The following UBE2D3 variants were observed in gnomAD, a reference collection of about 807,000 sequenced individuals.
The protein encoded by UBE2D3 is ubiquitin-conjugating enzyme E2 D3.
Under a neutral mutation model 22.8 loss-of-function variants are expected in UBE2D3, and 2 were observed. The ratio of observed to expected loss-of-function variants is 0.09; its 90% CI spans 0.04 to 0.28. UBE2D3 has a LOEUF of 0.28. UBE2D3 is among the 10% of genes least tolerant of loss of function. The probability of loss-of-function intolerance (pLI) is 1.00; values close to 1 mark genes in which losing one functional copy is unlikely to be tolerated. For missense variants in UBE2D3, 27 were observed against 182.5 expected (o/e 0.15, Z 4.91); for synonymous variants, 56 against 60.4 (o/e 0.93, Z 0.34).
intron 1 of UBE2D3, among the ~76,000 whole-genome samples, chr4:102,868,427 G>C (rs1378145706): frequency 6.6e-6 from 1 of 152,178 alleles, no homozygotes; most frequent in Admixed American, 6.5e-5. Flanking sequence ...TCTAAGGAAG[G>C]ACTACTACGA....
intron 1 of UBE2D3, among the ~76,000 whole-genome samples, chr4:102,835,673 C>T (rs1174379502): frequency 6.6e-6 from 1 of 152,168 alleles, no homozygotes; most frequent in Non-Finnish European, 1.5e-5. Flanking sequence ...CTCATCTCTA[C>T]CAGTTAGACC....
At chr4:102,826,835 T>G in intron 1 of UBE2D3, 199 bp from the exon 2 acceptor site, 1 of 1,157,202 alleles carries the variant, frequency 8.6e-7, no homozygotes, top group Non-Finnish European at 1.1e-6. Flanking sequence ...CAAGTTTAAC[T>G]TCCCGGCCTC....
chr4:102,798,623 T>C (rs2110243347), intron 7 of UBE2D3, among the ~76,000 whole-genome samples: 1 of 151,600 alleles, frequency 6.6e-6, no homozygotes, highest in East Asian at 1.9e-4. Context: ...CTGTATAGGA[T>C]TGGTACAAAG....
chr4:102,809,566 G>T, intron 4 of UBE2D3, 106 bp downstream of exon 4: 1 of 1,180,398 alleles, frequency 8.5e-7, no homozygotes, highest in Non-Finnish European at 1.2e-6. Context: ...ATCCAAAATA[G>T]AATTAACTAT....
chr4:102,801,031 A>C (rs1726078317), intron 6 of UBE2D3, among the ~76,000 whole-genome samples: 2 of 152,052 alleles, frequency 1.3e-5, no homozygotes. Flanking sequence ...TTTGTCTAAA[A>C]ATTAACCCAG....
chr4:102,827,798 G>A (rs987893351), upstream of UBE2D3: 2 of 985,946 alleles, frequency 2.0e-6, no homozygotes, highest in African/African-American at 3.5e-5. Context: ...ATCATGAGCT[G>A]GGGGGAGGGT....
intron 1 of UBE2D3, among the ~76,000 whole-genome samples, chr4:102,861,522 A>G (rs1051860271): frequency 6.6e-6 from 1 of 152,044 alleles, no homozygotes; most frequent in African/African-American, 2.4e-5. Flanking sequence ...GTGCACAACT[A>G]CAATATCGCA....
intron 1 of UBE2D3, chr4:102,827,223 G>C (rs891810137): frequency 5.1e-6 from 5 of 981,930 alleles, no homozygotes; most frequent in Non-Finnish European, 6.0e-6. Flanking sequence ...TGTCCCTGAG[G>C]CTCCGGCTTA....
chr4:102,817,816 A>G (rs17196313), intron 2 of UBE2D3, among the ~76,000 whole-genome samples: 21,246 of 152,172 alleles, frequency 0.14, 1,581 homozygotes, highest in African/African-American at 0.16. Context: ...CAGCAAGACT[A>G]TTTACTGGAC....
chr4:102,824,423 A>G (rs1244943817), intron 2 of UBE2D3, among the ~76,000 whole-genome samples: 1 of 152,220 alleles, frequency 6.6e-6, no homozygotes. Flanking sequence ...TAGGAACTTA[A>G]AATTTGTTTT....
Position 102,819,674 on chromosome 4 carries a change from A to T in UBE2D3, c.24+6811T>A, listed in dbSNP as rs141651355. The T allele has an allele frequency of 3.0e-4, 243 of 810,438 alleles. 1 individual carries two copies. In the African/African-American group the frequency reaches 4.3e-3, roughly 14 times the overall value. The allele number at this position is 810,438 out of a possible 1,614,324, so 50.2% of individuals were successfully genotyped here. ...TATAGTGGCAAGGCCAAGTTCATGGATTCTACCTTTAAGACAGTAAAATTA... is the reference window on the plus strand; with the variant it reads ...TATAGTGGCAAGGCCAAGTTCATGGTTTCTACCTTTAAGACAGTAAAATTA... On this transcript the variant is annotated intron_variant, in intron 2 of 7. Coordinates refer to ENST00000453744, the MANE Select transcript of UBE2D3 (RefSeq NM_181891.3).
At chr4:102,836,976 A>G (rs1731444032) in intron 1 of UBE2D3, 2 of 152,270 alleles carry the variant, frequency 1.3e-5, no homozygotes, top group African/African-American at 4.8e-5. Context: ...AAGCATGACA[A>G]ACTTTACTTT....
At chr4:102,850,858 C>T (rs1327807261) in intron 1 of UBE2D3, among the ~76,000 whole-genome samples, 2 of 151,316 alleles carry the variant, frequency 1.3e-5, no homozygotes, top group African/African-American at 4.9e-5. Context: ...ATTATGTTCT[C>T]ACTTATAAGT....
chr4:102,818,422 C>T (rs773331840), intron 2 of UBE2D3, among the ~76,000 whole-genome samples: 1 of 152,120 alleles, frequency 6.6e-6, no homozygotes, highest in Non-Finnish European at 1.5e-5. Flanking sequence ...TATTTAAAAG[C>T]CTTAAAAAAC....
chr4:102,856,592 G>A (rs1036413137), intron 1 of UBE2D3, among the ~76,000 whole-genome samples: 2 of 152,034 alleles, frequency 1.3e-5, no homozygotes, highest in Middle Eastern at 3.4e-3. Flanking sequence ...CATAATATTC[G>A]TATATGGAAA....
At chr4:102,847,112 A>G (rs1209310465) in intron 1 of UBE2D3, among the ~76,000 whole-genome samples, 1 of 152,142 alleles carries the variant, frequency 6.6e-6, no homozygotes, top group Non-Finnish European at 1.5e-5. Context: ...AAATGTCCCT[A>G]TCGTATGTCT....
At chr4:102,829,923 A>G (rs936987040), upstream of UBE2D3, among the ~76,000 whole-genome samples, 1 of 152,232 alleles carries the variant, frequency 6.6e-6, no homozygotes, top group African/African-American at 2.4e-5. Context: ...CTGTCTCAAA[A>G]AAAAACAAGA....
intron 4 of UBE2D3, among the ~76,000 whole-genome samples, chr4:102,806,527 C>T (rs1727073086): frequency 6.6e-6 from 1 of 151,952 alleles, no homozygotes; most frequent in Non-Finnish European, 1.5e-5. Flanking sequence ...AAAAATAATC[C>T]TTATGGACCA....
chr4:102,839,143 T>A (rs1452571265), intron 1 of UBE2D3, among the ~76,000 whole-genome samples: 1 of 152,220 alleles, frequency 6.6e-6, no homozygotes, highest in Admixed American at 6.5e-5. Flanking sequence ...TAAATTTTTT[T>A]AAAACTAGGA....
Sources: allele counts gnomAD v4.1 joint callset (sites outside exome capture counted in the v4.1 genomes callset), GRCh38; gene constraint gnomAD v4.1.1; transcripts MANE v1.5; gene names NCBI Gene and HGNC (gene_info 2026-07-23, HGNC 2026-07-21).